UBE3B: variants seen among roughly 807,000 people sequenced by gnomAD.
The protein encoded by UBE3B is ubiquitin protein ligase E3B, also known as ubiquitin-protein ligase E3B.
Under a neutral mutation model 132.3 loss-of-function variants are expected in UBE3B, and 80 were observed. The ratio of observed to expected loss-of-function variants is 0.60; its 90% CI spans 0.50 to 0.73. The LOEUF (loss-of-function observed/expected upper bound fraction) is 0.73. Among genes scored for constraint, UBE3B ranks in the 30% least tolerant of loss-of-function variants. The pLI is 0.00. For missense variants in UBE3B, 1,196 were observed against 1,362.5 expected (o/e 0.88, Z 1.92); for synonymous variants, 487 against 520.4 (o/e 0.94, Z 0.87).
Position 109,534,978 on chromosome 12 carries a change from G to C in UBE3B, c.*196G>C. 2.4e-6 allele frequency: 1 copy of C among 417,040 alleles called. No homozygotes were observed. The highest frequency in any genetic ancestry group is 4.2e-6 in the Non-Finnish European group (1 of 239,262). The allele number at this position is 417,040 out of a possible 1,614,324, so 25.8% of individuals were successfully genotyped here. ...GCACTACACAGCATCTCCAGGTGAT[G>C]CCCAAGGCACAGGGCTGCAGAAAAT... is the stretch of plus-strand genomic sequence containing the variant. On this transcript the variant is annotated 3_prime_UTR_variant, in exon 28 of 28. Transcript: ENST00000342494. This position sits in a 1 kb window ranked among gnomAD's most constrained non-coding sequence, Gnocchi z 5.2.
At chr12:109,538,429 C>T (rs1883532052), downstream of UBE3B, among the ~76,000 whole-genome samples, 1 of 152,206 alleles carries the variant, frequency 6.6e-6, no homozygotes, top group South Asian at 2.1e-4. This position sits in a 1 kb window ranked among gnomAD's most constrained non-coding sequence, Gnocchi z 4.1. Flanking sequence ...CAAACCCCAA[C>T]CCTCCACTTC....
the UBE3B span, among the ~76,000 whole-genome samples, chr12:109,544,498 A>G: frequency 0.048 from 7,296 of 152,158 alleles, 216 homozygotes; most frequent in Non-Finnish European, 0.067. Flanking sequence ...CAACTGTCAA[A>G]ACCGAGCCAC....
In UBE3B at chr12:109,534,098, C is replaced by T; in HGVS notation, c.3016-493C>T. ...CTCCCCATAAAAACCCAGTGGCCGC[C>T]TCTGGGTGTAGCTGCCTCTCATGAT... On this transcript the variant is annotated intron_variant, in intron 27 of 27. Transcript: ENST00000342494. This position sits in a 1 kb window ranked among gnomAD's most constrained non-coding sequence, Gnocchi z 5.2. 1 of 1,295,232 alleles carries T rather than the reference C, an allele frequency of 7.7e-7. No individual in the cohort carries two copies. The highest frequency in any genetic ancestry group is 1.2e-5 in the South Asian group (1 of 81,046). 80.2% of individuals were successfully genotyped at this position (1,295,232 alleles called of 1,614,324 possible).
chr12:109,500,359 G>C (rs1478180201), intron 12 of UBE3B, among the ~76,000 whole-genome samples: 3 of 152,234 alleles, frequency 2.0e-5, no homozygotes, highest in Non-Finnish European at 4.4e-5. Context: ...AGATAAAGTG[G>C]TTTCTGGAGA....
chr12:109,521,410 C>T lies in UBE3B; in HGVS notation c.2254-31C>T, dbSNP rs1382436243. 3.2e-6 allele frequency: 5 copies of T among 1,585,416 alleles called. No homozygotes were observed. The highest frequency in any genetic ancestry group is 4.3e-6 in the Non-Finnish European group (5 of 1,160,010). On this transcript the variant is annotated intron_variant, in intron 20 of 27. Transcript: ENST00000342494. This position sits in a 1 kb window ranked among gnomAD's most constrained non-coding sequence, Gnocchi z 4.2. ...GCTTGCTCCTTGCAAGGCACTTGAC[C>T]TCTGCCTCTCCCCGTCTTTTTGCCT...
the UBE3B span, among the ~76,000 whole-genome samples, chr12:109,545,382 T>C: frequency 6.6e-6 from 1 of 152,192 alleles, no homozygotes; most frequent in South Asian, 2.1e-4. Context: ...GTGGACGTGA[T>C]CCCTGCCCTA....
rs1378725566 is a variant in UBE3B, at chr12:109,516,234, C to T, written c.1957-531C>T. Among the ~76,000 whole-genome samples, 4 of 142,752 alleles carry T rather than the reference C, an allele frequency of 2.8e-5. No homozygotes were observed. In the Admixed American group the frequency reaches 2.9e-4, roughly 10 times the overall value. The allele number at this position is 142,752 out of a possible 152,430, so 93.7% of individuals were successfully genotyped here. A position where few individuals can be genotyped will look rare whatever the true frequency, so the allele number is the denominator to read the frequency against. On this transcript the variant is annotated intron_variant, in intron 18 of 27. Coordinates refer to ENST00000342494, the MANE Select transcript of UBE3B (RefSeq NM_130466.4). ...TCCCCCAGGCTGGAGTGCAGTGGCA[C>T]GATCTTGGCTCACTGTAACCTCTGC...
chr12:109,486,897 C>T (rs1876578585), intron 6 of UBE3B, among the ~76,000 whole-genome samples: 2 of 152,024 alleles, frequency 1.3e-5, no homozygotes, highest in South Asian at 4.1e-4. Flanking sequence ...GTACAGAAGC[C>T]GAACGTGAGC....
chr12:109,546,305 G>A, the UBE3B span, among the ~76,000 whole-genome samples: 205 of 152,332 alleles, frequency 1.3e-3, no homozygotes, highest in African/African-American at 4.8e-3. Flanking sequence ...AAAGCTGGAT[G>A]GCTAGAAACT....
At chr12:109,486,113 G>A in intron 5 of UBE3B, 42 bp downstream of exon 5, 1 of 1,548,634 alleles carries the variant, frequency 6.5e-7, no homozygotes, top group Non-Finnish European at 8.7e-7. Context: ...AAGCTCTTAA[G>A]GGCCAACCTA....
rs1217827981 is a variant in UBE3B, at chr12:109,536,436, G to A, written c.*1654G>A. 1 of 152,220 alleles carries A rather than the reference G, an allele frequency of 6.6e-6. No homozygotes were observed. The highest frequency in any genetic ancestry group is 2.4e-5 in the African/African-American group (1 of 41,454). 9.4% of individuals were successfully genotyped at this position (152,220 alleles called of 1,614,324 possible). On this transcript the variant is annotated 3_prime_UTR_variant, in exon 28 of 28. Transcript: ENST00000342494. The stretch of plus-strand genomic sequence containing the variant: ...CACCTGAAGGTTGGAACCAGTGAGG[G>A]ACTGGGAGAGAGTGATTTATAAGCA...
intron 22 of UBE3B, 34 bp downstream of exon 22, chr12:109,524,149 C>T: frequency 6.2e-7 from 1 of 1,612,754 alleles, no homozygotes; most frequent in Non-Finnish European, 8.5e-7. Flanking sequence ...CTAAGCCGAG[C>T]ACTGGTGTGA....
At chr12:109,536,966 C>T (rs1173943753), downstream of UBE3B, among the ~76,000 whole-genome samples, 1 of 152,230 alleles carries the variant, frequency 6.6e-6, no homozygotes, top group Non-Finnish European at 1.5e-5. Flanking sequence ...AGGCAGCTGT[C>T]ACCATAGGTT....
chr12:109,481,339 A>T (rs1406589183), intron 1 of UBE3B, among the ~76,000 whole-genome samples: 3 of 152,092 alleles, frequency 2.0e-5, no homozygotes, highest in Non-Finnish European at 4.4e-5. Context: ...GAAAATGTCA[A>T]ATATAATTTT....
chr12:109,490,683 TG>T (rs1390990054), intron 8 of UBE3B: 1 of 1,469,512 alleles, frequency 6.8e-7, no homozygotes, highest in African/African-American at 1.4e-5. Flanking sequence ...TTGTATTAGC[TG>T]TTTTTTTAAC....
chr12:109,507,363 TAGTC>T (rs1383071650), intron 14 of UBE3B, among the ~76,000 whole-genome samples, 197 bp from the exon 15 acceptor site: 170 of 152,358 alleles, frequency 1.1e-3, no homozygotes, highest in African/African-American at 3.9e-3. Flanking sequence ...GCCTGGCACA[TAGTC>T]AGCACCCACT....
rs960834390 is a variant in UBE3B at position 109,521,649 on chromosome 12, C to T, written c.2364+98C>T. The T allele has an allele frequency of 9.6e-6, 11 of 1,140,556 alleles. No individual in the cohort carries two copies. The African/African-American group carries it at 1.7e-4, about 18-fold the overall frequency. 70.7% of individuals were successfully genotyped at this position (1,140,556 alleles called of 1,614,324 possible). Reference sequence around the variant, plus strand: ...ATGTGATCAGGCTTGGCCATGTAAACTGTCACTAGGATACAAGCGAGGACA... The same window carrying T: ...ATGTGATCAGGCTTGGCCATGTAAATTGTCACTAGGATACAAGCGAGGACA... On this transcript the variant is annotated intron_variant, in intron 21 of 27. Coordinates refer to ENST00000342494, the MANE Select transcript of UBE3B (RefSeq NM_130466.4). The surrounding 1 kb of genome is among the most constrained non-coding windows in gnomAD (Gnocchi z 4.2).
intron 1 of UBE3B, among the ~76,000 whole-genome samples, chr12:109,481,131 T>C (rs925931261): frequency 6.7e-6 from 1 of 149,626 alleles, no homozygotes; most frequent in East Asian, 2.0e-4. Context: ...ATGTCAAACA[T>C]GGCCGGGCAC....
At chr12:109,489,755 A>C (rs562161188) in intron 7 of UBE3B, among the ~76,000 whole-genome samples, 164 bp from the exon 8 acceptor site, 1 of 152,274 alleles carries the variant, frequency 6.6e-6, no homozygotes, top group East Asian at 1.9e-4. Flanking sequence ...CCAGGTACGC[A>C]TTGCCTTTCT....
Sources: allele counts gnomAD v4.1 joint callset (sites outside exome capture counted in the v4.1 genomes callset), GRCh38; gene constraint gnomAD v4.1.1; non-coding constraint Gnocchi (gnomAD v3.1); transcripts MANE v1.5; gene names NCBI Gene and HGNC (gene_info 2026-07-23, HGNC 2026-07-21).